JARID2: variants seen among roughly 807,000 people sequenced by gnomAD.
JARID2 encodes the protein jumonji and AT-rich interaction domain containing 2.
In JARID2, 21 loss-of-function variants were observed where a neutral mutation model predicts 125.6. The observed-to-expected ratio is 0.17, with a 90% confidence interval of 0.12 to 0.24. The LOEUF (loss-of-function observed/expected upper bound fraction) is 0.24. Among genes scored for constraint, JARID2 ranks in the 10% least tolerant of loss-of-function variants. The pLI, the probability that JARID2 is intolerant of heterozygous loss-of-function variation, is 1.00. For missense variants in JARID2, 1,303 were observed against 1,639.6 expected (o/e 0.79, Z 3.55); for synonymous variants, 736 against 661.6 (o/e 1.11, Z -1.73).
In JARID2 at chr6:15,509,170, GA is replaced by G; in HGVS notation, c.2846+717del. ...AGGCTGGGTCCCCGCCTGTAATCCT[GA>G]CTCTCACTGCACCCATCCCTGATCG... On this transcript the variant is annotated intron_variant, in intron 12 of 17. Transcript: ENST00000341776. 3 of 1,283,054 alleles carry G rather than the reference GA, an allele frequency of 2.3e-6. No individual in the cohort carries two copies. The South Asian group carries it at 3.7e-5, about 16-fold the overall frequency. 79.5% of individuals were successfully genotyped at this position (1,283,054 alleles called of 1,614,324 possible).
At chr6:15,313,679 C>T (rs775650311) in intron 1 of JARID2, among the ~76,000 whole-genome samples, 6 of 152,106 alleles carry the variant, frequency 3.9e-5, no homozygotes, top group Non-Finnish European at 7.4e-5. Context: ...ACTTGCAAAT[C>T]TGGAAAAGAA....
At chr6:15,431,882 C>T (rs1347850403) in intron 3 of JARID2, among the ~76,000 whole-genome samples, 7 of 152,090 alleles carry the variant, frequency 4.6e-5, no homozygotes, top group Non-Finnish European at 1.0e-4. Flanking sequence ...AGGTATGCCA[C>T]TGGAAAGGAC....
At chr6:15,259,152 CTT>C (rs1229905092) in intron 1 of JARID2, among the ~76,000 whole-genome samples, 1 of 152,186 alleles carries the variant, frequency 6.6e-6, no homozygotes, top group Non-Finnish European at 1.5e-5. Context: ...AGCAGCATGA[CTT>C]TTTTGCATAC....
chr6:15,497,289 C>T (rs991035513), intron 7 of JARID2, 119 bp downstream of exon 7: 2 of 791,726 alleles, frequency 2.5e-6, no homozygotes, highest in Non-Finnish European at 2.0e-6. Context: ...GCTTCCCTGT[C>T]TCGGGAGTAG....
chr6:15,416,418 G>C (rs1290910197), intron 3 of JARID2, among the ~76,000 whole-genome samples: 1 of 152,220 alleles, frequency 6.6e-6, no homozygotes, highest in African/African-American at 2.4e-5. Context: ...GAGTGAACCA[G>C]ACTCCGTCTG....
At position 15,286,073 on chromosome 6, in the gene JARID2, C is replaced by G. The variant is rs150257501; in HGVS notation, c.45+39489C>G. On this transcript the variant is annotated intron_variant, in intron 1 of 17. Transcript: ENST00000341776. Reference sequence around the variant, plus strand: ...TTGTTTGTTTGTTTCCTGAGTCTCACTCTGTCTCCCAGGCTGGAGTGCAGT... The same window carrying G: ...TTGTTTGTTTGTTTCCTGAGTCTCAGTCTGTCTCCCAGGCTGGAGTGCAGT... 5.4e-3 allele frequency among the ~76,000 whole-genome samples: 819 copies of G among 152,226 alleles called. 10 individuals carry two copies. Among genetic ancestry groups the G allele is most frequent in the African/African-American group, 0.016 (681 of 41,520 alleles).
intron 1 of JARID2, among the ~76,000 whole-genome samples, chr6:15,281,108 T>C (rs1054072328): frequency 2.0e-5 from 3 of 152,100 alleles, no homozygotes; most frequent in Admixed American, 1.3e-4. Flanking sequence ...TGTTAGAAAG[T>C]TTCAGTGTGT....
chr6:15,515,591 G>A (rs1771507773), intron 16 of JARID2, among the ~76,000 whole-genome samples: 4 of 152,096 alleles, frequency 2.6e-5, no homozygotes, highest in Admixed American at 6.5e-5. Context: ...TGCGAGACCA[G>A]CCTGGGTGAC....
At chr6:15,278,672 G>A (rs1004950321) in intron 1 of JARID2, among the ~76,000 whole-genome samples, 4 of 152,208 alleles carry the variant, frequency 2.6e-5, no homozygotes, top group South Asian at 2.1e-4. Flanking sequence ...GTACAGCTCA[G>A]CAGAGGAAGG....
chr6:15,502,363 C>G (rs1275640094), intron 8 of JARID2, among the ~76,000 whole-genome samples: 1 of 152,242 alleles, frequency 6.6e-6, no homozygotes, highest in African/African-American at 2.4e-5. Context: ...TGCTGAGTTT[C>G]CCGGCACAGA....
At chr6:15,488,845 C>G (rs1472595791) in intron 6 of JARID2, among the ~76,000 whole-genome samples, 4 of 152,224 alleles carry the variant, frequency 2.6e-5, no homozygotes, top group African/African-American at 9.6e-5. Flanking sequence ...TTGGCCAAAA[C>G]AGACCTCAGT....
chr6:15,495,603 T>G (rs1770375068), intron 6 of JARID2, among the ~76,000 whole-genome samples: 1 of 152,192 alleles, frequency 6.6e-6, no homozygotes, highest in African/African-American at 2.4e-5. Flanking sequence ...GTTTTCCTTC[T>G]TTTTTTAGCC....
At chr6:15,340,813 T>G (rs1324476154) in intron 1 of JARID2, among the ~76,000 whole-genome samples, 1 of 152,184 alleles carries the variant, frequency 6.6e-6, no homozygotes, top group Non-Finnish European at 1.5e-5. Context: ...TAAGATAGTT[T>G]TAGATAACAC....
intron 1 of JARID2, among the ~76,000 whole-genome samples, chr6:15,279,527 C>T (rs1282642016): frequency 6.6e-6 from 1 of 152,190 alleles, no homozygotes; most frequent in African/African-American, 2.4e-5. Flanking sequence ...TACTCTTTAT[C>T]TCCCTTCTTG....
chr6:15,325,574 C>G (rs970602029), intron 1 of JARID2, among the ~76,000 whole-genome samples: 61 of 152,088 alleles, frequency 4.0e-4, no homozygotes, highest in African/African-American at 1.4e-3. Flanking sequence ...ACATGATGTT[C>G]TTTTTGTCAA....
At chr6:15,418,121 A>G (rs1766318407) in intron 3 of JARID2, among the ~76,000 whole-genome samples, 1 of 151,934 alleles carries the variant, frequency 6.6e-6, no homozygotes, top group South Asian at 2.1e-4. Context: ...AGGAGATTCC[A>G]TCGTGGCTGC....
chr6:15,282,317 T>G (rs1053211154), intron 1 of JARID2, among the ~76,000 whole-genome samples: 8 of 152,208 alleles, frequency 5.3e-5, no homozygotes, highest in Admixed American at 3.9e-4. Flanking sequence ...ACTAACAGCA[T>G]ATGAGAGTCT....
chr6:15,283,219 C>G (rs1349551411), intron 1 of JARID2, among the ~76,000 whole-genome samples: 2 of 150,978 alleles, frequency 1.3e-5, no homozygotes, highest in African/African-American at 4.9e-5. Context: ...ACCTTGTGAT[C>G]TGCCCACCTT....
intron 2 of JARID2, among the ~76,000 whole-genome samples, chr6:15,375,247 G>A (rs1393342628): frequency 6.6e-6 from 1 of 152,158 alleles, no homozygotes; most frequent in Non-Finnish European, 1.5e-5. Flanking sequence ...TGGGGCAATG[G>A]CAGAGTTTCC....
Sources: allele counts gnomAD v4.1 joint callset (sites outside exome capture counted in the v4.1 genomes callset), GRCh38; gene constraint gnomAD v4.1.1; transcripts MANE v1.5; gene names NCBI Gene and HGNC (gene_info 2026-07-23, HGNC 2026-07-21).